Variants in DLGAP2 observed in about 807,000 individuals in gnomAD.
The protein encoded by DLGAP2 is DLG associated protein 2.
DLGAP2 carries 26 observed loss-of-function variants against 100.3 expected under a neutral mutation model. The ratio of observed to expected loss-of-function variants is 0.26; its 90% CI spans 0.19 to 0.36. The LOEUF (loss-of-function observed/expected upper bound fraction) is 0.36, where lower values mean the gene tolerates loss of function less well. Ranked by LOEUF, DLGAP2 falls within the 10% of genes least tolerant of loss-of-function variation. The pLI is 1.00. For synonymous variants in DLGAP2, 886 were observed against 630.1 expected (o/e 1.41, Z -6.08); for missense variants, 1,858 against 1,453.2 (o/e 1.28, Z -4.53).
intron 3 of DLGAP2, among the ~76,000 whole-genome samples, chr8:1,500,639 G>C (rs764512960): frequency 6.6e-6 from 1 of 152,266 alleles, no homozygotes; most frequent in Non-Finnish European, 1.5e-5. Context: ...TGACAAGCTT[G>C]TCTGTCTCCC....
Position 774,312 on chromosome 8 carries a change from G to GACAAA in DLGAP2, c.18+36488_18+36489insCAAAA, listed in dbSNP as rs1821450683. Reference sequence around the variant, plus strand: ...ATTTTGTGAGTTGCCTGTTCACTCTGATGGTAGTTTCTTTTGCTGTGCAGA... The same window carrying GACAAA: ...ATTTTGTGAGTTGCCTGTTCACTCTGACAAAATGGTAGTTTCTTTTGCTGTGCAGA... On this transcript the variant is annotated intron_variant, in intron 1 of 14. Coordinates refer to ENST00000637795, the MANE Select transcript of DLGAP2 (RefSeq NM_001346810.2). 2.0e-5 allele frequency among the ~76,000 whole-genome samples: 3 copies of GACAAA among 152,164 alleles called. No individual in the cohort carries two copies. The South Asian group carries it at 6.2e-4, about 31-fold the overall frequency.
intron 2 of DLGAP2, among the ~76,000 whole-genome samples, chr8:1,043,692 C>G (rs1477339325): frequency 6.6e-6 from 1 of 151,884 alleles, no homozygotes; most frequent in African/African-American, 2.4e-5. Context: ...TGGATTTGGA[C>G]CAGGTGTGAA....
intron 2 of DLGAP2, among the ~76,000 whole-genome samples, chr8:1,228,631 G>T (rs1323003038): frequency 6.6e-6 from 1 of 152,112 alleles, no homozygotes; most frequent in Non-Finnish European, 1.5e-5. Flanking sequence ...AGTTTGTTTT[G>T]ACATCTGCAA....
chr8:973,907 C>G (rs1800094810), intron 2 of DLGAP2, among the ~76,000 whole-genome samples: 1 of 150,932 alleles, frequency 6.6e-6, no homozygotes, highest in African/African-American at 2.4e-5. Context: ...GCCGCCACCG[C>G]CACCGCCGCC....
At chr8:1,432,797 G>T (rs969030941) in intron 3 of DLGAP2, among the ~76,000 whole-genome samples, 6 of 152,194 alleles carry the variant, frequency 3.9e-5, no homozygotes, top group Non-Finnish European at 8.8e-5. Flanking sequence ...CGCGTGTTTG[G>T]ATTAAACCAG....
At chr8:1,643,284 T>C (rs1200592876) in intron 8 of DLGAP2, among the ~76,000 whole-genome samples, 1 of 15,668 alleles carries the variant, frequency 6.4e-5, no homozygotes, top group Non-Finnish European at 1.0e-4. Context: ...CCGCCGGTCC[T>C]CACCTGTGTC....
intron 4 of DLGAP2, among the ~76,000 whole-genome samples, chr8:1,514,301 C>T (rs1200924794): frequency 6.6e-6 from 1 of 152,270 alleles, no homozygotes; most frequent in African/African-American, 2.4e-5. Context: ...AGGCTTCCCG[C>T]ATCCTGCGAA....
At chr8:1,240,149 C>G (rs1273949680) in intron 2 of DLGAP2, among the ~76,000 whole-genome samples, 2 of 149,788 alleles carry the variant, frequency 1.3e-5, no homozygotes, top group African/African-American at 5.0e-5. Flanking sequence ...GTAGTTCTCT[C>G]TCATACATAG....
chr8:1,356,451 G>C (rs146161411), intron 3 of DLGAP2, among the ~76,000 whole-genome samples: 10 of 152,328 alleles, frequency 6.6e-5, no homozygotes, highest in Non-Finnish European at 1.0e-4. Flanking sequence ...CCCGTCAGAG[G>C]CTGCAGTGGG....
chr8:1,010,792 T>G (rs1006289770), intron 2 of DLGAP2, among the ~76,000 whole-genome samples: 1 of 152,184 alleles, frequency 6.6e-6, no homozygotes, highest in African/African-American at 2.4e-5. Flanking sequence ...TTAGTTAAAC[T>G]TTAAAAACAC....
chr8:1,695,814 A>C (rs1376145911), intron 13 of DLGAP2, among the ~76,000 whole-genome samples: 1 of 152,220 alleles, frequency 6.6e-6, no homozygotes, highest in Non-Finnish European at 1.5e-5. Context: ...CCCTCGACTG[A>C]CTTCGGTGCA....
At chr8:1,100,849 G>T (rs1372446953) in intron 2 of DLGAP2, among the ~76,000 whole-genome samples, 1 of 152,232 alleles carries the variant, frequency 6.6e-6, no homozygotes, top group Non-Finnish European at 1.5e-5. Context: ...TCATACAGAT[G>T]ATAGCATTTA....
chr8:1,460,475 G>T (rs1798442138), intron 3 of DLGAP2, among the ~76,000 whole-genome samples: 1 of 152,144 alleles, frequency 6.6e-6, no homozygotes, highest in Non-Finnish European at 1.5e-5. Context: ...GATGAAGCCA[G>T]CAGAGCAGGG....
intron 3 of DLGAP2, among the ~76,000 whole-genome samples, chr8:1,361,157 C>A (rs1393388852): frequency 6.6e-6 from 1 of 152,144 alleles, no homozygotes; most frequent in Admixed American, 6.5e-5. Flanking sequence ...CCTCACCACA[C>A]CAGATTTGCA....
intron 2 of DLGAP2, among the ~76,000 whole-genome samples, chr8:915,998 C>T (rs1034379443): frequency 6.6e-6 from 1 of 151,348 alleles, no homozygotes; most frequent in Non-Finnish European, 1.5e-5. Flanking sequence ...GGCGTGGTTT[C>T]TGTGTGTGTT....
chr8:1,201,699 C>G (rs1328267026), intron 2 of DLGAP2, among the ~76,000 whole-genome samples: 1 of 152,224 alleles, frequency 6.6e-6, no homozygotes, highest in Non-Finnish European at 1.5e-5. Flanking sequence ...GCCGTGGGAT[C>G]CAGTGAATGG....
chr8:818,046 A>AG (rs1320612714), intron 1 of DLGAP2, among the ~76,000 whole-genome samples: 3 of 152,146 alleles, frequency 2.0e-5, no homozygotes, highest in Admixed American at 6.6e-5. Flanking sequence ...GGCAGTGGGC[A>AG]GGGCCATAGA....
intron 3 of DLGAP2, among the ~76,000 whole-genome samples, chr8:1,474,574 G>A (rs1466397390): frequency 6.6e-6 from 1 of 152,104 alleles, no homozygotes; most frequent in African/African-American, 2.4e-5. Flanking sequence ...CAATGAGTAG[G>A]CACCTCTCAA....
chr8:796,418 C>T (rs1205204338), intron 1 of DLGAP2, among the ~76,000 whole-genome samples: 2 of 152,008 alleles, frequency 1.3e-5, no homozygotes, highest in Non-Finnish European at 2.9e-5. Flanking sequence ...CTGCGACTGC[C>T]TGGATGCTTT....
Sources: gnomAD v4.1 joint callset for allele counts (sites outside exome capture counted in the v4.1 genomes callset) on GRCh38, gnomAD v4.1.1 for gene constraint, MANE v1.5 for transcripts, NCBI Gene and HGNC (gene_info 2026-07-23, HGNC 2026-07-21) for gene names.